GBF1: variants seen among roughly 807,000 people sequenced by gnomAD.
The protein encoded by GBF1 is golgi brefeldin A resistant guanine nucleotide exchange factor 1, also known as Golgi-specific brefeldin A-resistance guanine nucleotide exchange factor 1.
GBF1 carries 114 observed loss-of-function variants against 210.5 expected under a neutral mutation model. The observed-to-expected ratio is 0.54, with a 90% CI of 0.47 to 0.63. The LOEUF is 0.63. Ranked by LOEUF, GBF1 falls within the 30% of genes least tolerant of loss-of-function variation. GBF1 has a pLI of 0.00. For missense variants in GBF1, 1,851 were observed against 2,357.7 expected (o/e 0.79, Z 4.45); for synonymous variants, 850 against 889.2 (o/e 0.96, Z 0.78).
Position 102,366,555 on chromosome 10 carries a change from C to A in GBF1, c.2433+49C>A. ...AGCCCAGGATCCAAGGTCAGTTTGA[C>A]TGAGGGCTGAAGAATCCAGCTGCTG... On this transcript the variant is annotated intron_variant, in intron 19 of 39. Transcript: ENST00000369983. This position sits in a 1 kb window ranked among gnomAD's most constrained non-coding sequence, Gnocchi z 4.0. 2 of 1,491,340 alleles carry A rather than the reference C, an allele frequency of 1.3e-6. No homozygotes were observed. Among genetic ancestry groups the A allele is most frequent in the Non-Finnish European group, 1.9e-6 (2 of 1,077,088 alleles). 92.4% of individuals were successfully genotyped at this position (1,491,340 alleles called of 1,614,324 possible).
At chr10:102,311,382 G>C (rs556787663) in intron 3 of GBF1, among the ~76,000 whole-genome samples, 2 of 152,216 alleles carry the variant, frequency 1.3e-5, no homozygotes, top group South Asian at 4.1e-4. Context: ...AACTAAAAGA[G>C]AAGCTGCAGG....
At chr10:102,268,683 A>G (rs1267085620) in intron 3 of GBF1, among the ~76,000 whole-genome samples, 1 of 152,184 alleles carries the variant, frequency 6.6e-6, no homozygotes, top group Non-Finnish European at 1.5e-5. Flanking sequence ...GAAGAAGCCA[A>G]ATGCTTGAAA....
intron 3 of GBF1, among the ~76,000 whole-genome samples, chr10:102,329,376 C>A (rs1409578362): frequency 6.6e-6 from 1 of 152,146 alleles, no homozygotes; most frequent in African/African-American, 2.4e-5. Flanking sequence ...GTACTACAAG[C>A]AATAACTAAC....
intron 3 of GBF1, among the ~76,000 whole-genome samples, chr10:102,286,620 T>A (rs1229259163): frequency 6.6e-6 from 1 of 152,214 alleles, no homozygotes; most frequent in Non-Finnish European, 1.5e-5. Flanking sequence ...ATCCCCCCTC[T>A]TTTTCCTGTT....
intron 3 of GBF1, among the ~76,000 whole-genome samples, chr10:102,321,085 G>GGT (rs2056346050): frequency 6.6e-6 from 1 of 151,930 alleles, no homozygotes; most frequent in Non-Finnish European, 1.5e-5. Context: ...CATAAGCCAC[G>GGT]GTGCCCAGCC....
At chr10:102,286,748 G>C (rs895258322) in intron 3 of GBF1, among the ~76,000 whole-genome samples, 1 of 152,142 alleles carries the variant, frequency 6.6e-6, no homozygotes, top group East Asian at 1.9e-4. Flanking sequence ...GCATTTAGAG[G>C]TAAGGAAAAC....
chr10:102,369,187 G>A (rs1234605156), intron 23 of GBF1, 24 bp from the exon 24 acceptor site: 1 of 1,579,310 alleles, frequency 6.3e-7, no homozygotes, highest in Non-Finnish European at 8.7e-7. Context: ...TCGGCCTTAA[G>A]TCTGTTCTCT....
At position 102,366,597 on chromosome 10, in the gene GBF1, T is replaced by C. The variant is rs2059925621; in HGVS notation, c.2433+91T>C. On this transcript the variant is annotated intron_variant, in intron 19 of 39. Coordinates refer to ENST00000369983, the MANE Select transcript of GBF1 (RefSeq NM_001377137.1). The surrounding 1 kb of genome is among the most constrained non-coding windows in gnomAD (Gnocchi z 4.0). ...CAGCTGCTGTCTCTTTTTTTTTTTTTTTTTTTTGAGACAGAGTCTCGCTCT... is the reference window on the plus strand; with the variant it reads ...CAGCTGCTGTCTCTTTTTTTTTTTTCTTTTTTTGAGACAGAGTCTCGCTCT... 1.6e-6 allele frequency: 2 copies of C among 1,283,744 alleles called. No individual in the cohort carries two copies. The highest frequency in any genetic ancestry group is 2.4e-5 in the Admixed American group (1 of 41,556). The allele number at this position is 1,283,744 out of a possible 1,614,324, so 79.5% of individuals were successfully genotyped here. A position where few individuals can be genotyped will look rare whatever the true frequency, so the allele number is the denominator to read the frequency against.
intron 10 of GBF1, 60 bp downstream of exon 10, chr10:102,358,789 C>T (rs578059401): frequency 9.2e-7 from 1 of 1,084,178 alleles, no homozygotes; most frequent in East Asian, 2.5e-5. Context: ...TGGCTTGATC[C>T]TTTGGATCCT....
intron 36 of GBF1, 131 bp downstream of exon 36, chr10:102,380,085 C>T (rs1052420984): frequency 5.4e-6 from 4 of 737,850 alleles, no homozygotes; most frequent in Non-Finnish European, 7.2e-6. Context: ...GGACACTAAG[C>T]AGGACCTAGG....
intron 38 of GBF1, 27 bp from the exon 39 acceptor site, chr10:102,381,100 G>A (rs368184906): frequency 2.0e-4 from 318 of 1,608,724 alleles, no homozygotes; most frequent in Non-Finnish European, 2.6e-4. Context: ...ACTAAGAGGT[G>A]CCATCTCAAT....
At position 102,376,972 on chromosome 10, in the gene GBF1, A is replaced by T; in HGVS notation, c.4326A>T (p.Lys1442Asn). Residue 1442 changes from lysine (K) to asparagine (N), a missense_variant, in exon 33 of 40, where the codon AAA (lysine) becomes AAT (asparagine). By Grantham distance (94) the Lys-to-Asn change is moderately conservative. Coordinates refer to ENST00000369983, the MANE Select transcript of GBF1 (RefSeq NM_001377137.1). The stretch of plus-strand genomic sequence containing the variant: ...AGGAGAAACGTGGCAAGAGTCACAA[A>T]TATGACAGCAAAGGGAACCGCTTCA... ...KSQEKRGKSH[K>N]YDSKGNRFKK... The T allele has an allele frequency of 6.2e-7, 1 of 1,614,210 alleles. No individual in the cohort carries two copies.
Position 102,260,118 on chromosome 10 carries a change from T to A in GBF1, c.163+2T>A. On this transcript the variant is annotated splice_donor_variant, in intron 3 of 39. Coordinates refer to ENST00000369983, the MANE Select transcript of GBF1 (RefSeq NM_001377137.1). LOFTEE classifies it high-confidence loss of function. The stretch of plus-strand genomic sequence containing the variant: ...AGGAGGTTTTAAACAGTATAACAGG[T>A]AAGTCTCCATATGTATGTGGATTAC... 1 of 1,429,004 alleles carries A rather than the reference T, an allele frequency of 7.0e-7. No individual in the cohort carries two copies. The highest frequency in any genetic ancestry group is 9.9e-7 in the Non-Finnish European group (1 of 1,013,248). The allele number at this position is 1,429,004 out of a possible 1,614,324, so 88.5% of individuals were successfully genotyped here.
At chr10:102,356,289 G>C (rs2059284148) in intron 8 of GBF1, among the ~76,000 whole-genome samples, 1 of 152,212 alleles carries the variant, frequency 6.6e-6, no homozygotes, top group African/African-American at 2.4e-5. Flanking sequence ...CCTTTAGGAA[G>C]AGGCAGAGAG....
upstream of GBF1, among the ~76,000 whole-genome samples, chr10:102,242,504 G>A (rs1487589116): frequency 2.0e-5 from 3 of 152,294 alleles, no homozygotes; most frequent in Middle Eastern, 3.4e-3. Flanking sequence ...AATTTGCAAG[G>A]GACAGGACAG....
intron 14 of GBF1, 120 bp downstream of exon 14, chr10:102,362,032 G>C (rs1349471126): frequency 9.0e-6 from 4 of 445,684 alleles, no homozygotes; most frequent in African/African-American, 4.2e-5. Flanking sequence ...ATAGAAGAAA[G>C]GCATTTTCTT....
At chr10:102,372,882 G>T (rs1320017529) in intron 29 of GBF1, among the ~76,000 whole-genome samples, 1 of 152,196 alleles carries the variant, frequency 6.6e-6, no homozygotes, top group Admixed American at 6.5e-5. Context: ...TGGCAGTCCT[G>T]TGGATCTGTC....
chr10:102,249,692 CTT>C (rs200423046), intron 1 of GBF1, among the ~76,000 whole-genome samples: 3 of 142,148 alleles, frequency 2.1e-5, no homozygotes, highest in African/African-American at 5.1e-5. Context: ...GTTTCTCTGG[CTT>C]TTTTTTTTTT....
intron 3 of GBF1, among the ~76,000 whole-genome samples, chr10:102,301,804 C>T (rs1192541206): frequency 3.3e-5 from 5 of 151,298 alleles, no homozygotes; most frequent in Non-Finnish European, 5.9e-5. Context: ...CAGAGGGGCT[C>T]CTCACATCCC....
Sources: gnomAD v4.1 joint callset for allele counts (sites outside exome capture counted in the v4.1 genomes callset) on GRCh38, gnomAD v4.1.1 for gene constraint, Gnocchi (gnomAD v3.1) non-coding constraint, MANE v1.5 for transcripts, NCBI Gene and HGNC (gene_info 2026-07-23, HGNC 2026-07-21) for gene names.